Variants in BNIP3L observed in about 807,000 individuals in gnomAD.
BNIP3L encodes the protein BCL2 interacting protein 3 like.
In BNIP3L, 10 loss-of-function variants were observed where a neutral mutation model predicts 25.5. The ratio of observed to expected loss-of-function variants is 0.39; its 90% CI spans 0.24 to 0.67. BNIP3L has a LOEUF of 0.67. Ranked by LOEUF, BNIP3L falls within the 30% of genes least tolerant of loss-of-function variation. BNIP3L has a pLI of 0.45. For missense variants in BNIP3L, 215 were observed against 270.9 expected (o/e 0.79, Z 1.45); for synonymous variants, 113 against 101.2 (o/e 1.12, Z -0.70).
At chr8:26,404,929 A>G (rs1261729413) in intron 3 of BNIP3L, among the ~76,000 whole-genome samples, 1 of 152,264 alleles carries the variant, frequency 6.6e-6, no homozygotes, top group African/African-American at 2.4e-5. Flanking sequence ...ATTGGAAGGC[A>G]GTTTAAAACC....
At chr8:26,386,280 T>C (rs1805989867) in intron 1 of BNIP3L, among the ~76,000 whole-genome samples, 1 of 152,202 alleles carries the variant, frequency 6.6e-6, no homozygotes, top group Admixed American at 6.5e-5. Flanking sequence ...CCAGTTTGTT[T>C]TATTGTTAAG....
At chr8:26,405,916 G>A (rs530172839) in intron 3 of BNIP3L, among the ~76,000 whole-genome samples, 4 of 152,272 alleles carry the variant, frequency 2.6e-5, no homozygotes, top group South Asian at 2.1e-4. Context: ...AGTGCCAGGC[G>A]CCTGTAATCC....
At chr8:26,387,477 A>G (rs894685486) in intron 1 of BNIP3L, among the ~76,000 whole-genome samples, 3 of 152,210 alleles carry the variant, frequency 2.0e-5, no homozygotes, top group African/African-American at 4.8e-5. Flanking sequence ...GGACAGCACA[A>G]ACCTCTTATC....
intron 3 of BNIP3L, among the ~76,000 whole-genome samples, chr8:26,401,066 G>GAC (rs1806358971): frequency 2.4e-5 from 3 of 127,262 alleles, no homozygotes; most frequent in Non-Finnish European, 5.1e-5. Context: ...CCATTACTGG[G>GAC]TATATACCCA....
chr8:26,398,132 G>A (rs1341940650), intron 3 of BNIP3L, among the ~76,000 whole-genome samples: 48 of 90,358 alleles, frequency 5.3e-4, no homozygotes, highest in Non-Finnish European at 8.7e-4. Context: ...CCTAATAGAC[G>A]TCTACAGAAC....
At position 26,410,639 on chromosome 8, in the gene BNIP3L, G is replaced by A. The variant is rs1585443277; in HGVS notation, c.*227G>A. 5.5e-6 allele frequency: 3 copies of A among 543,568 alleles called. No individual in the cohort carries two copies. The East Asian group carries it at 9.6e-5, about 17-fold the overall frequency. 33.7% of individuals were successfully genotyped at this position (543,568 alleles called of 1,614,324 possible). A position where few individuals can be genotyped will look rare whatever the true frequency, so the allele number is the denominator to read the frequency against. ...GAAGACATTTTAGAATTTCCTAACA[G>A]AGTTTACTGTTGTTTAGAAATTTGC... On this transcript the variant is annotated 3_prime_UTR_variant, in exon 6 of 6. Coordinates refer to ENST00000380629, the MANE Select transcript of BNIP3L (RefSeq NM_004331.3).
chr8:26,401,343 A>C (rs1252004552), intron 3 of BNIP3L, among the ~76,000 whole-genome samples: 1 of 144,610 alleles, frequency 6.9e-6, no homozygotes. Flanking sequence ...GCATATTCTC[A>C]CTCATAGGTG....
At chr8:26,409,654 C>T (rs998808848) in intron 5 of BNIP3L, among the ~76,000 whole-genome samples, 3 of 152,140 alleles carry the variant, frequency 2.0e-5, no homozygotes, top group South Asian at 2.1e-4. Context: ...TGCCCTTAAG[C>T]GATTGGTGTC....
At chr8:26,395,345 GAT>G in intron 3 of BNIP3L, 43 bp downstream of exon 3, 1 of 1,573,476 alleles carries the variant, frequency 6.4e-7, no homozygotes, top group Non-Finnish European at 8.7e-7. Flanking sequence ...AATTAAGAAA[GAT>G]GTAAATTCTC....
Position 26,410,347 on chromosome 8 carries a change from C to T in BNIP3L, c.612-17C>T, listed in dbSNP as rs774420050. 12 of 1,613,868 alleles carry T rather than the reference C, an allele frequency of 7.4e-6. No individual in the cohort carries two copies. In the South Asian group the frequency reaches 1.2e-4, roughly 16 times the overall value. On this transcript the variant is annotated splice_polypyrimidine_tract_variant and intron_variant, in intron 5 of 5. Transcript: ENST00000380629. Reference sequence around the variant, plus strand: ...CTGTTGAAACAGGTGAAACATGATGCTTCTGCTTCCTTTCAGCATCTATAT... The same window carrying T: ...CTGTTGAAACAGGTGAAACATGATGTTTCTGCTTCCTTTCAGCATCTATAT...
At chr8:26,394,604 C>G (rs1351152829) in intron 2 of BNIP3L, among the ~76,000 whole-genome samples, 1 of 152,202 alleles carries the variant, frequency 6.6e-6, no homozygotes, top group Non-Finnish European at 1.5e-5. Flanking sequence ...TTGTTTTACA[C>G]ATTTACAAAT....
At chr8:26,396,667 A>AT (rs1190824752) in intron 3 of BNIP3L, among the ~76,000 whole-genome samples, 1 of 151,578 alleles carries the variant, frequency 6.6e-6, no homozygotes, top group East Asian at 1.9e-4. Context: ...CAGACGATCA[A>AT]ATTAGAGTGA....
chr8:26,393,952 A>C lies in BNIP3L; in HGVS notation c.285-1278A>C, dbSNP rs117951467. ...TGTCTGATAAATTTCTGACGATCTT[A>C]TTTCTGAGTCAGTCTCACCAACGTC... On this transcript the variant is annotated intron_variant, in intron 2 of 5. Coordinates refer to ENST00000380629, the MANE Select transcript of BNIP3L (RefSeq NM_004331.3). Among the ~76,000 whole-genome samples the C allele has an allele frequency of 3.8e-3, 585 of 152,338 alleles. 2 individuals carry two copies. The highest frequency in any genetic ancestry group is 8.0e-3 in the Admixed American group (122 of 15,302).
chr8:26,402,363 C>T (rs1806404612), intron 3 of BNIP3L, among the ~76,000 whole-genome samples: 1 of 152,194 alleles, frequency 6.6e-6, no homozygotes, highest in African/African-American at 2.4e-5. Context: ...TAGAAGAAAG[C>T]TTACAAAGTC....
chr8:26,396,148 T>C (rs1267831528), intron 3 of BNIP3L: 1 of 142,788 alleles, frequency 7.0e-6, no homozygotes, highest in African/African-American at 2.6e-5. Context: ...TGCCTGCCTC[T>C]GTAGGCTCCA....
chr8:26,405,588 G>A (rs1444870599), intron 3 of BNIP3L, among the ~76,000 whole-genome samples: 1 of 152,188 alleles, frequency 6.6e-6, no homozygotes, highest in African/African-American at 2.4e-5. Flanking sequence ...CCTGTCAAGA[G>A]TCATGTGAAT....
At chr8:26,385,354 T>G (rs1241508139) in intron 1 of BNIP3L, among the ~76,000 whole-genome samples, 2 of 151,634 alleles carry the variant, frequency 1.3e-5, no homozygotes, top group African/African-American at 4.8e-5. Flanking sequence ...CCTAGCACTT[T>G]GGGAGGCCAA....
At chr8:26,407,875 G>A (rs776701262) in intron 3 of BNIP3L, 125 bp from the exon 4 acceptor site, 2 of 791,200 alleles carry the variant, frequency 2.5e-6, no homozygotes, top group Non-Finnish European at 4.0e-6. Flanking sequence ...AAAGCAACAT[G>A]TTTGTTATCT....
At position 26,410,578 on chromosome 8, in the gene BNIP3L, T is replaced by G. The variant is rs1806599631; in HGVS notation, c.*166T>G. On this transcript the variant is annotated 3_prime_UTR_variant, in exon 6 of 6. Coordinates refer to ENST00000380629, the MANE Select transcript of BNIP3L (RefSeq NM_004331.3). ...ATTCAATATTTTATTCAAACTCTGT[T>G]GAGGCATTTTACTAACCTTATACCC... 2 of 802,342 alleles carry G rather than the reference T, an allele frequency of 2.5e-6. No homozygotes were observed. The highest frequency in any genetic ancestry group is 4.1e-6 in the Non-Finnish European group (2 of 490,960). 49.7% of individuals were successfully genotyped at this position (802,342 alleles called of 1,614,324 possible). A position where few individuals can be genotyped will look rare whatever the true frequency, so the allele number is the denominator to read the frequency against.
Sources: gnomAD v4.1 joint callset for allele counts (sites outside exome capture counted in the v4.1 genomes callset) on GRCh38, gnomAD v4.1.1 for gene constraint, MANE v1.5 for transcripts, NCBI Gene and HGNC (gene_info 2026-07-23, HGNC 2026-07-21) for gene names.